UGT1A8: variants seen among roughly 807,000 people sequenced by gnomAD.
UGT1A8 encodes UDP-glucuronosyltransferase 1A8.
In UGT1A8, 39 loss-of-function variants were observed where a neutral mutation model predicts 45.3. That is an observed-to-expected ratio of 0.86 (90% confidence interval 0.67 to 1.12). The LOEUF (loss-of-function observed/expected upper bound fraction) is 1.12, where lower values mean the gene tolerates loss of function less well. UGT1A8 is among the 50% of genes most tolerant of loss of function. UGT1A8 has a pLI of 0.00. For missense variants in UGT1A8, 719 were observed against 664.9 expected, an observed-to-expected ratio of 1.08 and a Z score of -0.90; for synonymous variants, 275 against 249.2, an observed-to-expected ratio of 1.10 and a Z score of -0.97.
At chr2:233,705,148 AAGAG>A (rs939982250) in intron 1 of UGT1A8, among the ~76,000 whole-genome samples, 12 of 150,988 alleles carry the variant, frequency 7.9e-5, no homozygotes, top group Non-Finnish European at 1.5e-4. Context: ...AAAAAAAAAA[AAGAG>A]AGAGAGAGAG....
At chr2:233,768,719 A>G (rs553176637) in intron 4 of UGT1A8, among the ~76,000 whole-genome samples, 366 of 149,864 alleles carry the variant, frequency 2.4e-3, no homozygotes, top group African/African-American at 8.5e-3. Flanking sequence ...TGTAGCTGGG[A>G]TTACAGGTGT....
intron 1 of UGT1A8, among the ~76,000 whole-genome samples, chr2:233,723,516 CTTTTT>C (rs1162916866): frequency 9.4e-5 from 8 of 85,396 alleles, no homozygotes; most frequent in South Asian, 1.1e-3. Context: ...GGTCAACAAT[CTTTTT>C]TTTTTTTTTT....
At chr2:233,622,586 T>G (rs936869623) in intron 1 of UGT1A8, among the ~76,000 whole-genome samples, 1 of 152,220 alleles carries the variant, frequency 6.6e-6, no homozygotes, top group African/African-American at 2.4e-5. Context: ...TGTTTTATTC[T>G]TGTAAATTTT....
intron 1 of UGT1A8, among the ~76,000 whole-genome samples, chr2:233,701,924 A>C (rs2075660838): frequency 6.6e-6 from 1 of 152,202 alleles, no homozygotes; most frequent in African/African-American, 2.4e-5. Flanking sequence ...CTAACATCAC[A>C]ATTAAAAGAA....
At chr2:233,753,985 C>G (rs1431608078) in intron 1 of UGT1A8, among the ~76,000 whole-genome samples, 1 of 152,164 alleles carries the variant, frequency 6.6e-6, no homozygotes, top group Non-Finnish European at 1.5e-5. Context: ...TGTTTTAAGC[C>G]ACCAAGTTTG....
chr2:233,721,923 T>G, intron 1 of UGT1A8: 3 of 399,842 alleles, frequency 7.5e-6, no homozygotes, highest in South Asian at 5.8e-5. Flanking sequence ...TTCCATAAAG[T>G]GACATCCTTC....
chr2:233,713,358 A>T, intron 1 of UGT1A8: 1 of 1,614,168 alleles, frequency 6.2e-7, no homozygotes, highest in Non-Finnish European at 8.5e-7. Context: ...TATGTCTTTG[A>T]TCATACATAG....
chr2:233,720,054 T>A (rs1306889696), intron 1 of UGT1A8, among the ~76,000 whole-genome samples: 1 of 152,204 alleles, frequency 6.6e-6, no homozygotes, highest in African/African-American at 2.4e-5. Context: ...TGAACGGTGA[T>A]GCAACAGTAA....
At chr2:233,760,808 C>T in intron 1 of UGT1A8, 3 of 1,613,442 alleles carry the variant, frequency 1.9e-6, no homozygotes, top group Non-Finnish European at 2.5e-6. Flanking sequence ...TTCTTGCATG[C>T]ACTGCCATGC....
At chr2:233,627,689 T>C (rs969721156) in intron 1 of UGT1A8, among the ~76,000 whole-genome samples, 84 of 140,980 alleles carry the variant, frequency 6.0e-4, no homozygotes, top group Non-Finnish European at 1.0e-3. Context: ...TCTTTCTTTC[T>C]TTCTTTTCCA....
At chr2:233,716,194 A>G (rs945930665) in intron 1 of UGT1A8, among the ~76,000 whole-genome samples, 4 of 152,112 alleles carry the variant, frequency 2.6e-5, no homozygotes, top group Non-Finnish European at 4.4e-5. Flanking sequence ...TAATTCTTAC[A>G]TCTGTCTCTT....
At chr2:233,683,478 T>G (rs1291530429) in intron 1 of UGT1A8, among the ~76,000 whole-genome samples, 1 of 152,124 alleles carries the variant, frequency 6.6e-6, no homozygotes, top group Non-Finnish European at 1.5e-5. Context: ...TATTTTCATA[T>G]TTTTGCTTTT....
intron 1 of UGT1A8, among the ~76,000 whole-genome samples, chr2:233,676,630 C>G (rs981744027): frequency 1.4e-4 from 22 of 152,170 alleles, no homozygotes; most frequent in African/African-American, 5.1e-4. Flanking sequence ...GACGGTTTCT[C>G]AGACTCTCCT....
chr2:233,722,566 G>A (rs901908747), intron 1 of UGT1A8, among the ~76,000 whole-genome samples: 44 of 152,258 alleles, frequency 2.9e-4, no homozygotes, highest in Non-Finnish European at 5.7e-4. Flanking sequence ...ATTTGTAGCT[G>A]CTTTTGCAAC....
chr2:233,722,743 G>A (rs1388091069), intron 1 of UGT1A8, among the ~76,000 whole-genome samples: 1 of 151,770 alleles, frequency 6.6e-6, no homozygotes, highest in Non-Finnish European at 1.5e-5. Context: ...TTGATGCAGT[G>A]ACTGTCTATA....
In UGT1A8 at chr2:233,739,290, C is replaced by A. The variant is rs1363558012; in HGVS notation, c.856-27744C>A. On this transcript the variant is annotated intron_variant, in intron 1 of 4. Transcript: ENST00000373450. ...TTGGAGCCCCCACACAGAGTCTCCACTGGGGCACTGCCTAGTGGAGTTGTG... is the reference window on the plus strand; with the variant it reads ...TTGGAGCCCCCACACAGAGTCTCCAATGGGGCACTGCCTAGTGGAGTTGTG... Among the ~76,000 whole-genome samples, 3 of 152,214 alleles carry A rather than the reference C, an allele frequency of 2.0e-5. No homozygotes were observed. In the East Asian group the frequency reaches 5.8e-4, roughly 29 times the overall value.
intron 1 of UGT1A8, chr2:233,672,670 A>G (rs918629819): frequency 6.2e-7 from 1 of 1,613,922 alleles, no homozygotes; most frequent in Admixed American, 1.7e-5. Flanking sequence ...TGATCTCTAC[A>G]GCCACACATC....
intron 1 of UGT1A8, chr2:233,747,317 C>A: frequency 1.9e-6 from 3 of 1,603,212 alleles, no homozygotes; most frequent in Non-Finnish European, 2.6e-6. Flanking sequence ...CTGGTGGTAC[C>A]CATTGATGGC....
chr2:233,654,564 A>G (rs1315922029), intron 1 of UGT1A8, among the ~76,000 whole-genome samples: 1 of 152,252 alleles, frequency 6.6e-6, no homozygotes, highest in East Asian at 1.9e-4. Context: ...TTTGTAATAT[A>G]TAACAAAAAT....
Sources: gnomAD v4.1 joint callset for allele counts (sites outside exome capture counted in the v4.1 genomes callset) on GRCh38, gnomAD v4.1.1 for gene constraint, MANE v1.5 for transcripts, NCBI Gene and HGNC (gene_info 2026-07-23, HGNC 2026-07-21) for gene names.